Variants in CNTN4 observed in about 807,000 individuals in gnomAD.
CNTN4 encodes contactin-4.
Under a neutral mutation model 122.5 loss-of-function variants are expected in CNTN4, and 77 were observed. That is an observed-to-expected ratio of 0.63 (90% CI 0.52 to 0.76). CNTN4 has a LOEUF of 0.76. CNTN4 is among the 30% of genes least tolerant of loss of function. CNTN4 has a pLI of 0.00. For missense variants in CNTN4, 1,256 were observed against 1,259.1 expected (o/e 1.00, Z 0.04); for synonymous variants, 512 against 447.0 (o/e 1.15, Z -1.83).
At chr3:2,301,904 A>T (rs566184607) in intron 2 of CNTN4, among the ~76,000 whole-genome samples, 1 of 152,232 alleles carries the variant, frequency 6.6e-6, no homozygotes, top group Non-Finnish European at 1.5e-5. Flanking sequence ...CGTGAGAGAA[A>T]TCAGCAATAA....
At chr3:2,561,529 T>TC (rs2078954329) in intron 3 of CNTN4, among the ~76,000 whole-genome samples, 1 of 152,096 alleles carries the variant, frequency 6.6e-6, no homozygotes, top group African/African-American at 2.4e-5. Context: ...GTGCTCCCTG[T>TC]ATTTGTGGTC....
At chr3:2,860,852 A>G (rs1007967366) in intron 7 of CNTN4, among the ~76,000 whole-genome samples, 2 of 152,190 alleles carry the variant, frequency 1.3e-5, no homozygotes, top group Non-Finnish European at 2.9e-5. Flanking sequence ...TTCTGAAACC[A>G]AACACTCTTG....
chr3:2,234,501 T>G (rs2149566927), intron 2 of CNTN4, among the ~76,000 whole-genome samples: 1 of 152,286 alleles, frequency 6.6e-6, no homozygotes. Context: ...TTTGACTTTA[T>G]TCCTGACACT....
At chr3:2,429,843 A>G (rs543624978) in intron 3 of CNTN4, among the ~76,000 whole-genome samples, 1 of 152,262 alleles carries the variant, frequency 6.6e-6, no homozygotes, top group Admixed American at 6.5e-5. Flanking sequence ...TGCTGTGCTA[A>G]CAATAAGTGA....
chr3:2,248,549 CA>C (rs1023953617), intron 2 of CNTN4, among the ~76,000 whole-genome samples: 4 of 152,100 alleles, frequency 2.6e-5, no homozygotes, highest in African/African-American at 9.6e-5. Context: ...ATAAACCCCC[CA>C]AATATTTTTT....
intron 4 of CNTN4, among the ~76,000 whole-genome samples, chr3:2,707,222 C>A (rs12486485): frequency 0.056 from 8,474 of 151,798 alleles, 400 homozygotes; most frequent in African/African-American, 0.12. Flanking sequence ...GGGAGAGTCA[C>A]TGGAACCCAG....
At chr3:2,647,318 T>A (rs2083169238) in intron 4 of CNTN4, among the ~76,000 whole-genome samples, 2 of 151,870 alleles carry the variant, frequency 1.3e-5, no homozygotes, top group Non-Finnish European at 1.5e-5. Flanking sequence ...GAGGCAGAGG[T>A]TGCAGTGAGC....
chr3:2,886,019 T>G (rs2093972139), intron 9 of CNTN4, among the ~76,000 whole-genome samples: 1 of 152,142 alleles, frequency 6.6e-6, no homozygotes, highest in Admixed American at 6.5e-5. Flanking sequence ...ACACCTGAGC[T>G]TTGATCCTGC....
chr3:2,813,349 T>G (rs2092656553), intron 6 of CNTN4, among the ~76,000 whole-genome samples: 1 of 152,216 alleles, frequency 6.6e-6, no homozygotes, highest in African/African-American at 2.4e-5. Flanking sequence ...CAATTTCTTG[T>G]TCTAAGGCCA....
At chr3:3,009,587 C>CTG (rs1386207100) in intron 14 of CNTN4, among the ~76,000 whole-genome samples, 1 of 78,762 alleles carries the variant, frequency 1.3e-5, no homozygotes, top group Non-Finnish European at 2.9e-5. Context: ...GCGCCCGCCA[C>CTG]CACGCCCGGC....
intron 6 of CNTN4, among the ~76,000 whole-genome samples, chr3:2,813,248 G>A (rs903146541): frequency 6.6e-6 from 1 of 152,112 alleles, no homozygotes; most frequent in African/African-American, 2.4e-5. Context: ...CATAACAAAT[G>A]TATCACTTGA....
chr3:2,320,580 G>T (rs2043245308), intron 2 of CNTN4, among the ~76,000 whole-genome samples: 1 of 152,034 alleles, frequency 6.6e-6, no homozygotes, highest in Non-Finnish European at 1.5e-5. Flanking sequence ...TAAGGTTAAT[G>T]GCACATTAAT....
At chr3:2,114,200 C>T (rs887376352) in intron 2 of CNTN4, among the ~76,000 whole-genome samples, 1 of 152,104 alleles carries the variant, frequency 6.6e-6, no homozygotes, top group East Asian at 1.9e-4. Flanking sequence ...CACCTGTAAT[C>T]CCAGGACTTT....
intron 6 of CNTN4, among the ~76,000 whole-genome samples, chr3:2,747,271 C>T (rs577512724): frequency 1.2e-3 from 175 of 147,740 alleles, no homozygotes; most frequent in Non-Finnish European, 1.6e-3. Context: ...TAGCCGGGCG[C>T]AGTGGCAGGT....
chr3:2,237,077 T>C (rs939082938), intron 2 of CNTN4, among the ~76,000 whole-genome samples: 5 of 152,084 alleles, frequency 3.3e-5, no homozygotes, highest in African/African-American at 1.2e-4. Context: ...AATTGAAGAA[T>C]TTTGGCCTTT....
intron 4 of CNTN4, among the ~76,000 whole-genome samples, chr3:2,724,080 T>C (rs1019442478): frequency 6.6e-6 from 1 of 152,190 alleles, no homozygotes; most frequent in Non-Finnish European, 1.5e-5. Flanking sequence ...AGAGGATACA[T>C]AGGGGTTATC....
intron 3 of CNTN4, among the ~76,000 whole-genome samples, chr3:2,388,788 T>G (rs1423235426): frequency 6.6e-6 from 1 of 150,464 alleles, no homozygotes; most frequent in African/African-American, 2.4e-5. Flanking sequence ...GAGGTTGCAG[T>G]GAACCGAGAT....
chr3:2,944,784 C>A (rs2094657093), intron 13 of CNTN4, among the ~76,000 whole-genome samples: 1 of 152,156 alleles, frequency 6.6e-6, no homozygotes, highest in Admixed American at 6.5e-5. Context: ...TGACAGGTTG[C>A]ATACAGAAGG....
At chr3:2,309,651 G>C (rs940480162) in intron 2 of CNTN4, among the ~76,000 whole-genome samples, 3 of 152,118 alleles carry the variant, frequency 2.0e-5, no homozygotes, top group African/African-American at 2.4e-5. Flanking sequence ...TGGAGTCCCA[G>C]TGATGCTTGG....
Sources: gnomAD v4.1 joint callset for allele counts (sites outside exome capture counted in the v4.1 genomes callset) on GRCh38, gnomAD v4.1.1 for gene constraint, MANE v1.5 for transcripts, NCBI Gene and HGNC (gene_info 2026-07-23, HGNC 2026-07-21) for gene names.